SOS2: variants seen among roughly 807,000 people sequenced by gnomAD.
SOS2 encodes the protein SOS Ras/Rho guanine nucleotide exchange factor 2, also known as son of sevenless homolog 2.
In SOS2, 65 loss-of-function variants were observed where a neutral mutation model predicts 148.2. The ratio of observed to expected loss-of-function variants is 0.44; its 90% CI spans 0.36 to 0.54. The LOEUF (loss-of-function observed/expected upper bound fraction) is 0.54, where lower values mean the gene tolerates loss of function less well. Ranked by LOEUF, SOS2 falls within the 20% of genes least tolerant of loss-of-function variation. The pLI, the probability that SOS2 is intolerant of heterozygous loss-of-function variation, is 0.00. For synonymous variants in SOS2, 539 were observed against 537.1 expected (o/e 1.00, Z -0.05); for missense variants, 1,341 against 1,590.2 (o/e 0.84, Z 2.67).
At chr14:50,197,113 A>G (rs541228690) in intron 4 of SOS2, among the ~76,000 whole-genome samples, 1 of 152,152 alleles carries the variant, frequency 6.6e-6, no homozygotes, top group Admixed American at 6.6e-5. Flanking sequence ...TCAGCCTCCC[A>G]AAGTGCTGGG....
intron 17 of SOS2, 100 bp from the exon 18 acceptor site, chr14:50,138,884 A>G (rs1884173825): frequency 4.2e-6 from 2 of 481,912 alleles, no homozygotes; most frequent in Non-Finnish European, 3.6e-6. Context: ...GTTGAAAGAC[A>G]TCCTATACTA....
chr14:50,142,464 T>C (rs1259087246), intron 16 of SOS2, among the ~76,000 whole-genome samples: 3 of 152,292 alleles, frequency 2.0e-5, no homozygotes, highest in Non-Finnish European at 2.9e-5. Flanking sequence ...AAATAAATAA[T>C]GTTAAAAGAG....
chr14:50,189,696 T>C (rs1280388211), intron 4 of SOS2, among the ~76,000 whole-genome samples: 1 of 152,178 alleles, frequency 6.6e-6, no homozygotes, highest in Non-Finnish European at 1.5e-5. Context: ...TGCTATTACG[T>C]TCATTTGCTA....
chr14:50,186,470 ATAAC>A (rs1885915340), intron 5 of SOS2, among the ~76,000 whole-genome samples: 1 of 152,198 alleles, frequency 6.6e-6, no homozygotes, highest in South Asian at 2.1e-4. Flanking sequence ...ATTAAGCTCT[ATAAC>A]TAACTTGATT....
intron 18 of SOS2, 130 bp from the exon 19 acceptor site, chr14:50,134,369 C>T: frequency 1.8e-6 from 1 of 550,020 alleles, no homozygotes. Context: ...ACATTAAGAG[C>T]CCACAATATG....
At chr14:50,150,900 T>A (rs1594974405) in intron 13 of SOS2, among the ~76,000 whole-genome samples, 1 of 152,286 alleles carries the variant, frequency 6.6e-6, no homozygotes, top group Middle Eastern at 3.4e-3. Context: ...TTTTGTTGTA[T>A]TTTTAGTACA....
intron 1 of SOS2, among the ~76,000 whole-genome samples, chr14:50,216,687 A>C (rs1887048995): frequency 6.6e-6 from 1 of 152,136 alleles, no homozygotes; most frequent in Non-Finnish European, 1.5e-5. Context: ...GTGAGCTGAG[A>C]TCGTGCTGCT....
At chr14:50,169,201 A>G (rs2139660729) in intron 8 of SOS2, among the ~76,000 whole-genome samples, 1 of 152,186 alleles carries the variant, frequency 6.6e-6, no homozygotes, top group African/African-American at 2.4e-5. Context: ...CTGTAATCTC[A>G]GCTACTCAGG....
At chr14:50,122,095 T>C (rs944571675) in intron 21 of SOS2, among the ~76,000 whole-genome samples, 10 of 152,136 alleles carry the variant, frequency 6.6e-5, no homozygotes, top group Admixed American at 6.5e-5. Flanking sequence ...TCAATCAGAG[T>C]AATCCCATTC....
rs538859824 is a variant in SOS2 at position 50,170,551 on chromosome 14, T to TA, written c.1068+3902dup. On this transcript the variant is annotated intron_variant, in intron 8 of 22. Transcript: ENST00000216373. ...AAATTTAAAAATTAGCTGGGCATGG[T>TA]AGCACACATCCGTAGTCCTAGCTAC... Among the ~76,000 whole-genome samples, 298 of 152,018 alleles carry TA rather than the reference T, an allele frequency of 2.0e-3. 2 individuals are homozygous for TA. The highest frequency in any genetic ancestry group is 6.9e-3 in the African/African-American group (285 of 41,488).
chr14:50,189,347 A>AAAAAAAAAAC, intron 4 of SOS2, among the ~76,000 whole-genome samples: 1 of 148,148 alleles, frequency 6.8e-6, no homozygotes, highest in Non-Finnish European at 1.5e-5. Context: ...AAAAAAAAAA[A>AAAAAAAAAAC]AGCAAGCCTG....
In SOS2 at chr14:50,204,308, C is replaced by T; in HGVS notation, c.189G>A (p.Gln63=). The change falls in exon 2 of 23, where the codon CAG becomes CAA. Residue 63 remains glutamine (Q), a synonymous_variant. Transcript: ENST00000216373. ...CCTCTACATCTTGAACAGTCCTTGG[C>T]TGGGCCATGCATAATTTATTAAGCA... ...FQLLNKLCMA[Q]PRTVQDVEER... 1 of 1,604,018 alleles carries T rather than the reference C, an allele frequency of 6.2e-7. No individual in the cohort carries two copies. The highest frequency in any genetic ancestry group is 8.5e-7 in the Non-Finnish European group (1 of 1,174,802).
chr14:50,214,717 T>C (rs1360322382), intron 1 of SOS2, among the ~76,000 whole-genome samples: 5 of 151,256 alleles, frequency 3.3e-5, no homozygotes, highest in East Asian at 1.9e-4. Flanking sequence ...TTTTTTTTTT[T>C]CTTTTTCTTT....
chr14:50,199,959 T>G (rs1886433443), intron 3 of SOS2, 104 bp from the exon 4 acceptor site: 1 of 677,714 alleles, frequency 1.5e-6, no homozygotes, highest in African/African-American at 1.9e-5. Context: ...AATTTTCTAT[T>G]AACTACATGT....
At position 50,174,641 on chromosome 14, in the gene SOS2, T is replaced by C. The variant is rs541588779; in HGVS notation, c.970-89A>G. The C allele has an allele frequency of 3.4e-5, 20 of 582,790 alleles. No homozygotes were observed. The South Asian group carries it at 4.1e-4, about 12-fold the overall frequency. 36.1% of individuals were successfully genotyped at this position (582,790 alleles called of 1,614,324 possible). On this transcript the variant is annotated intron_variant, in intron 7 of 22. Coordinates refer to ENST00000216373, the MANE Select transcript of SOS2 (RefSeq NM_006939.4). Reference sequence around the variant, plus strand: ...CCTAACAGAAACGTCTACTAAAAATTTGAGATACAGACTTATCAAAACTAC... The same window carrying C: ...CCTAACAGAAACGTCTACTAAAAATCTGAGATACAGACTTATCAAAACTAC...
At chr14:50,211,856 G>A (rs1463901164) in intron 1 of SOS2, among the ~76,000 whole-genome samples, 1 of 151,994 alleles carries the variant, frequency 6.6e-6, no homozygotes, top group Non-Finnish European at 1.5e-5. Context: ...TACGCTAGAA[G>A]GCTCATAAAT....
rs543993135 is a variant in SOS2 at position 50,188,351 on chromosome 14, C to T, written c.714+146G>A. 10 of 577,072 alleles carry T rather than the reference C, an allele frequency of 1.7e-5. 1 individual carries two copies. The highest frequency in any genetic ancestry group is 1.3e-4 in the South Asian group (7 of 52,386). 35.7% of individuals were successfully genotyped at this position (577,072 alleles called of 1,614,324 possible). On this transcript the variant is annotated intron_variant, in intron 5 of 22. Transcript: ENST00000216373. ...CCGGGAGGTGGAGGCTGCAGTGGTG[C>T]GAGCTGAGATCACGCCACTGCACTC...
chr14:50,161,419 A>C, intron 9 of SOS2, 63 bp downstream of exon 9: 1 of 1,366,458 alleles, frequency 7.3e-7, no homozygotes, highest in Non-Finnish European at 1.0e-6. Flanking sequence ...CTTCTTTGAA[A>C]ACCAGGCATC....
chr14:50,188,489 G>A lies in SOS2; in HGVS notation c.714+8C>T. On this transcript the variant is annotated splice_region_variant and intron_variant, in intron 5 of 22. Transcript: ENST00000216373. ...TACACAGAATTTCAAACCCAAAAAG[G>A]TACTTACAGAAGGTTTAAACAGCTT... The A allele has an allele frequency of 1.3e-6, 2 of 1,577,692 alleles. No homozygotes were observed. The highest frequency in any genetic ancestry group is 1.7e-6 in the Non-Finnish European group (2 of 1,157,378).
Sources: allele counts gnomAD v4.1 joint callset (sites outside exome capture counted in the v4.1 genomes callset), GRCh38; gene constraint gnomAD v4.1.1; transcripts MANE v1.5; gene names NCBI Gene and HGNC (gene_info 2026-07-23, HGNC 2026-07-21).